The following WWOX variants were observed in gnomAD, a reference collection of about 807,000 sequenced individuals.
WWOX encodes the protein WW domain-containing oxidoreductase.
In WWOX, 69 loss-of-function variants were observed where a neutral mutation model predicts 46.2. That is an observed-to-expected ratio of 1.49 (90% confidence interval 1.23 to 1.82). The LOEUF is 1.82. Ranked by LOEUF, WWOX falls within the 40% of genes most tolerant of loss-of-function variation. The pLI is 0.00. For synonymous variants in WWOX, 359 were observed against 202.6 expected, an observed-to-expected ratio of 1.77 and a Z score of -6.56; for missense variants, 919 against 542.6, an observed-to-expected ratio of 1.69 and a Z score of -6.89.
At chr16:78,163,905 G>C (rs1054368591) in intron 4 of WWOX, among the ~76,000 whole-genome samples, 1 of 152,162 alleles carries the variant, frequency 6.6e-6, no homozygotes, top group African/African-American at 2.4e-5. Flanking sequence ...AGTGTTGACA[G>C]TCCGGGCCAG....
intron 4 of WWOX, among the ~76,000 whole-genome samples, chr16:78,120,993 T>C (rs1287540124): frequency 2.0e-5 from 3 of 152,104 alleles, no homozygotes. Flanking sequence ...TTTTTTTTTT[T>C]CTAGTTATTC....
chr16:78,802,916 A>C (rs1274669573), intron 8 of WWOX, among the ~76,000 whole-genome samples: 8 of 66,520 alleles, frequency 1.2e-4, no homozygotes, highest in Admixed American at 1.1e-3. Flanking sequence ...ACTTCATCTG[A>C]AAAAAAAAAA....
intron 8 of WWOX, chr16:78,534,317 T>C (rs1164513625): frequency 6.6e-6 from 1 of 152,230 alleles, no homozygotes; most frequent in Non-Finnish European, 1.5e-5. Flanking sequence ...GGCATATAGC[T>C]GCTCAAGAAA....
intron 5 of WWOX, among the ~76,000 whole-genome samples, chr16:78,361,307 A>G (rs911485735): frequency 6.6e-6 from 1 of 152,176 alleles, no homozygotes; most frequent in African/African-American, 2.4e-5. Context: ...GATCTGTCTC[A>G]TCCCTGGTAA....
At chr16:78,347,939 C>T (rs1343387637) in intron 5 of WWOX, among the ~76,000 whole-genome samples, 6 of 122,030 alleles carry the variant, frequency 4.9e-5, no homozygotes, top group African/African-American at 8.3e-5. Context: ...TTCTGTTTAA[C>T]GGTATGAAGG....
chr16:78,449,713 A>G (rs1034026948), intron 8 of WWOX, among the ~76,000 whole-genome samples: 10 of 152,200 alleles, frequency 6.6e-5, no homozygotes, highest in African/African-American at 2.4e-4. Context: ...TTAGTCATTT[A>G]ATAAGAAAGC....
At chr16:78,726,645 G>A (rs946260221) in intron 8 of WWOX, among the ~76,000 whole-genome samples, 1 of 152,084 alleles carries the variant, frequency 6.6e-6, no homozygotes, top group African/African-American at 2.4e-5. Context: ...ATGGAGGAAG[G>A]GAGTCAACTA....
chr16:78,954,384 A>G (rs991083832), intron 8 of WWOX, among the ~76,000 whole-genome samples: 19 of 152,110 alleles, frequency 1.2e-4, no homozygotes, highest in Non-Finnish European at 2.2e-4. Flanking sequence ...GTTTGGGTGG[A>G]TGAACAGATG....
chr16:79,142,600 TCA>T (rs756595087), intron 8 of WWOX, among the ~76,000 whole-genome samples: 42 of 152,328 alleles, frequency 2.8e-4, no homozygotes, highest in Non-Finnish European at 4.7e-4. Flanking sequence ...GCATGAAAAA[TCA>T]CAGAGTCCAT....
intron 8 of WWOX, among the ~76,000 whole-genome samples, chr16:78,609,709 TG>T (rs1223675615): frequency 6.6e-6 from 1 of 152,162 alleles, no homozygotes; most frequent in Non-Finnish European, 1.5e-5. Flanking sequence ...CTTGTCAGTC[TG>T]GGCTATCAAA....
intron 8 of WWOX, among the ~76,000 whole-genome samples, chr16:78,758,306 T>G (rs553071295): frequency 6.6e-6 from 1 of 152,268 alleles, no homozygotes; most frequent in South Asian, 2.1e-4. Flanking sequence ...TTTGGGCAAA[T>G]GGAAGATGAG....
intron 8 of WWOX, among the ~76,000 whole-genome samples, chr16:78,613,499 C>A (rs564776628): frequency 6.6e-6 from 1 of 152,274 alleles, no homozygotes; most frequent in East Asian, 1.9e-4. Flanking sequence ...CTCCCCCTTA[C>A]AAGGGACATT....
chr16:78,971,576 A>T (rs1165617894), intron 8 of WWOX, among the ~76,000 whole-genome samples: 2 of 152,078 alleles, frequency 1.3e-5, no homozygotes, highest in Non-Finnish European at 2.9e-5. Flanking sequence ...AAATGGAGCA[A>T]AGTGTGCTTC....
chr16:78,848,433 G>A (rs1343698660), intron 8 of WWOX, among the ~76,000 whole-genome samples: 2 of 152,208 alleles, frequency 1.3e-5, no homozygotes, highest in African/African-American at 4.8e-5. Flanking sequence ...CTGTTAAAAT[G>A]TAAGGCTCTG....
rs544652835 is a variant in WWOX at position 78,806,484 on chromosome 16, G to A, written c.1056+373732G>A. ...CAGCTGAAGCAGCTTGAAAGCCAGG[G>A]TCTGAGATCATCTGAAGGTTGTTCA... On this transcript the variant is annotated intron_variant, in intron 8 of 8. Transcript: ENST00000566780. Among the ~76,000 whole-genome samples the A allele has an allele frequency of 2.0e-5, 3 of 152,248 alleles. No homozygotes were observed. The South Asian group carries it at 6.2e-4, about 32-fold the overall frequency.
At chr16:78,731,065 T>C (rs550855285) in intron 8 of WWOX, among the ~76,000 whole-genome samples, 1 of 152,136 alleles carries the variant, frequency 6.6e-6, no homozygotes, top group Non-Finnish European at 1.5e-5. Context: ...TTTAAGAAAA[T>C]GTTGATTTTA....
intron 8 of WWOX, among the ~76,000 whole-genome samples, chr16:78,655,189 G>A (rs2047053032): frequency 6.6e-6 from 1 of 152,130 alleles, no homozygotes; most frequent in African/African-American, 2.4e-5. Context: ...GTCTGAGAGT[G>A]AAACTGAGGT....
intron 8 of WWOX, among the ~76,000 whole-genome samples, chr16:78,640,225 G>C (rs543077142): frequency 1.6e-3 from 185 of 116,448 alleles, no homozygotes; most frequent in African/African-American, 6.7e-3. Flanking sequence ...CTTGTTGTTG[G>C]GTTTTTTTTT....
At chr16:78,880,025 A>G (rs559408054) in intron 8 of WWOX, among the ~76,000 whole-genome samples, 1 of 152,340 alleles carries the variant, frequency 6.6e-6, no homozygotes, top group African/African-American at 2.4e-5. Context: ...TTTATAGTCA[A>G]AAGTAGATAA....
Sources: allele counts gnomAD v4.1 joint callset (sites outside exome capture counted in the v4.1 genomes callset), GRCh38; gene constraint gnomAD v4.1.1; transcripts MANE v1.5; gene names NCBI Gene and HGNC (gene_info 2026-07-23, HGNC 2026-07-21).